SLC26A5: variants seen among roughly 807,000 people sequenced by gnomAD.
SLC26A5 encodes the protein prestin.
A neutral mutation model predicts 81.0 loss-of-function variants in SLC26A5; 51 were observed. The ratio of observed to expected loss-of-function variants is 0.63; its 90% CI spans 0.50 to 0.80. The LOEUF (loss-of-function observed/expected upper bound fraction) is 0.80, where lower values mean the gene tolerates loss of function less well. Ranked by LOEUF, SLC26A5 falls within the 30% of genes least tolerant of loss-of-function variation. The pLI is 0.00. For synonymous variants in SLC26A5, 325 were observed against 332.8 expected (o/e 0.98, Z 0.25); for missense variants, 771 against 905.8 (o/e 0.85, Z 1.91).
intron 2 of SLC26A5, among the ~76,000 whole-genome samples, chr7:103,436,662 T>C (rs978450565): frequency 1.3e-5 from 2 of 152,200 alleles, no homozygotes; most frequent in African/African-American, 4.8e-5. Flanking sequence ...TATTGCTGAA[T>C]GTTGGGTAGG....
intron 2 of SLC26A5, among the ~76,000 whole-genome samples, chr7:103,433,094 C>A (rs76626878): frequency 6.6e-6 from 1 of 152,106 alleles, no homozygotes; most frequent in Non-Finnish European, 1.5e-5. Flanking sequence ...TATTAATGGA[C>A]TAGACAGGTC....
chr7:103,365,240 C>T (rs1820649170), intron 19 of SLC26A5, among the ~76,000 whole-genome samples: 1 of 152,014 alleles, frequency 6.6e-6, no homozygotes, highest in South Asian at 2.1e-4. Flanking sequence ...AAACCTATTG[C>T]TATTTAATAG....
chr7:103,433,990 T>C (rs773271908), intron 2 of SLC26A5, among the ~76,000 whole-genome samples: 2 of 152,186 alleles, frequency 1.3e-5, no homozygotes, highest in African/African-American at 2.4e-5. Context: ...CGTGAGCCAC[T>C]GCGCCTGGCC....
At position 103,420,814 on chromosome 7, in the gene SLC26A5, T is replaced by C. The variant is rs771619465; in HGVS notation, c.216A>G (p.Pro72=). ...YMFLPITKWL[P]AYKFKEYVLG... Reference sequence around the variant, plus strand: ...ACACATATTCCTTGAATTTGTATGCTGGCAGCCATTTAGTTATGGGTAGGA... The same window carrying C: ...ACACATATTCCTTGAATTTGTATGCCGGCAGCCATTTAGTTATGGGTAGGA... The change falls in exon 4 of 20, where the codon CCA becomes CCG. Residue 72 remains proline (P), a synonymous_variant. Transcript: ENST00000306312. 6.2e-7 allele frequency: 1 copy of C among 1,613,908 alleles called. No homozygotes were observed. Among genetic ancestry groups the C allele is most frequent in the Admixed American group, 1.7e-5 (1 of 60,028 alleles).
intron 17 of SLC26A5, among the ~76,000 whole-genome samples, chr7:103,378,223 G>A (rs776914152): frequency 2.0e-5 from 3 of 152,146 alleles, no homozygotes; most frequent in Non-Finnish European, 2.9e-5. Flanking sequence ...TTAAGGTATT[G>A]TGTAATTTTT....
chr7:103,392,240 A>T (rs1296622498), intron 10 of SLC26A5, among the ~76,000 whole-genome samples: 1 of 152,236 alleles, frequency 6.6e-6, no homozygotes, highest in Non-Finnish European at 1.5e-5. Context: ...TCCTTAGAAT[A>T]CATAAGGATT....
At chr7:103,391,802 C>T in intron 10 of SLC26A5, 67 bp from the exon 11 acceptor site, 2 of 1,162,686 alleles carry the variant, frequency 1.7e-6, no homozygotes, top group Non-Finnish European at 2.5e-6. Flanking sequence ...GCATAATAGC[C>T]CATTTAATAC....
Position 103,415,163 on chromosome 7 carries a change from A to C in SLC26A5, c.293-2051T>G, listed in dbSNP as rs180822096. On this transcript the variant is annotated intron_variant, in intron 4 of 19. Coordinates refer to ENST00000306312, the MANE Select transcript of SLC26A5 (RefSeq NM_198999.3). ...GAGAAAACAGCTTTAGCAAAAGAAG[A>C]GTTGGGAAAGCATCCTAACTTCATG... Among the ~76,000 whole-genome samples the C allele has an allele frequency of 1.4e-3, 219 of 152,346 alleles. 3 individuals carry two copies. The South Asian group carries it at 0.017, about 12-fold the overall frequency.
At chr7:103,359,172 A>ATTTTTTTTTTTTTT (rs1586155184) in intron 19 of SLC26A5, among the ~76,000 whole-genome samples, 4 of 58,426 alleles carry the variant, frequency 6.8e-5, no homozygotes, top group African/African-American at 6.6e-5. Flanking sequence ...TTTTTTTTTA[A>ATTTTTTTTTTTTTT]TTTTTAGTAG....
chr7:103,380,461 T>G lies in SLC26A5; in HGVS notation c.1584+19A>C. The G allele has an allele frequency of 6.2e-7, 1 of 1,604,582 alleles. No individual in the cohort carries two copies. The highest frequency in any genetic ancestry group is 8.5e-7 in the Non-Finnish European group (1 of 1,171,374). ...ATCACATGCTTACAACCTTTTTAAG[T>G]GATAGAAAAAGGTCCTACCTCCTCA... On this transcript the variant is annotated intron_variant, in intron 15 of 19. Coordinates refer to ENST00000306312, the MANE Select transcript of SLC26A5 (RefSeq NM_198999.3).
chr7:103,362,237 T>C (rs191477205), intron 19 of SLC26A5: 3 of 1,443,244 alleles, frequency 2.1e-6, no homozygotes, highest in Admixed American at 3.1e-5. Context: ...AAATTCTGTC[T>C]TCTGCATCTG....
chr7:103,408,305 C>A (rs1824217296), intron 7 of SLC26A5, among the ~76,000 whole-genome samples: 1 of 152,152 alleles, frequency 6.6e-6, no homozygotes, highest in Non-Finnish European at 1.5e-5. Context: ...TGGCTCACTG[C>A]AACCTCTGCC....
At chr7:103,375,837 C>A (rs1003120151) in intron 19 of SLC26A5, among the ~76,000 whole-genome samples, 3 of 151,988 alleles carry the variant, frequency 2.0e-5, no homozygotes, top group African/African-American at 7.3e-5. Context: ...CTCACTGCAA[C>A]CTCCGCCTCC....
intron 8 of SLC26A5, among the ~76,000 whole-genome samples, chr7:103,398,388 C>CT (rs1383285659): frequency 2.0e-5 from 3 of 152,168 alleles, no homozygotes; most frequent in African/African-American, 7.2e-5. Flanking sequence ...TAACTCTGTA[C>CT]TTCGAGGGTG....
At chr7:103,436,036 A>G (rs1484136402) in intron 2 of SLC26A5, among the ~76,000 whole-genome samples, 1 of 152,142 alleles carries the variant, frequency 6.6e-6, no homozygotes, top group Admixed American at 6.5e-5. Flanking sequence ...AAAGTTTTGA[A>G]AGTATTTACC....
chr7:103,405,485 C>T (rs1586301432), intron 8 of SLC26A5, among the ~76,000 whole-genome samples: 2 of 152,202 alleles, frequency 1.3e-5, no homozygotes, highest in Admixed American at 6.5e-5. Flanking sequence ...CCATTCCAGA[C>T]CCTGTTTGCC....
At chr7:103,380,407 C>G (rs1214849488) in intron 15 of SLC26A5, 73 bp downstream of exon 15, 1 of 1,286,130 alleles carries the variant, frequency 7.8e-7, no homozygotes, top group Non-Finnish European at 1.1e-6. Flanking sequence ...ACTTTTTATC[C>G]TGGGTAAAAA....
chr7:103,423,340 T>C (rs1021300939), intron 2 of SLC26A5, among the ~76,000 whole-genome samples: 3 of 151,988 alleles, frequency 2.0e-5, no homozygotes, highest in African/African-American at 7.3e-5. Context: ...GCAAAATAAA[T>C]ACCTATGTCC....
At chr7:103,426,099 T>C in intron 2 of SLC26A5, among the ~76,000 whole-genome samples, 1 of 152,240 alleles carries the variant, frequency 6.6e-6, no homozygotes, top group Non-Finnish European at 1.5e-5. Context: ...GCAAAATATT[T>C]AATACAAATT....
Sources: gnomAD v4.1 joint callset for allele counts (sites outside exome capture counted in the v4.1 genomes callset) on GRCh38, gnomAD v4.1.1 for gene constraint, MANE v1.5 for transcripts, NCBI Gene and HGNC (gene_info 2026-07-23, HGNC 2026-07-21) for gene names.